The following MGST1 variants were observed in gnomAD, a reference collection of about 807,000 sequenced individuals.
MGST1 encodes microsomal glutathione S-transferase 1, also known as glutathione S-transferase 12.
In MGST1, 5 loss-of-function variants were observed where a neutral mutation model predicts 8.9. That is an observed-to-expected ratio of 0.56 (90% CI 0.29 to 1.19). The LOEUF (loss-of-function observed/expected upper bound fraction) is 1.19. Among genes scored for constraint, MGST1 ranks in the 50% most tolerant of loss-of-function variants. MGST1 has a pLI of 0.08. For synonymous variants in MGST1, 54 were observed against 67.8 expected (o/e 0.80, Z 1.00); for missense variants, 182 against 187.4 (o/e 0.97, Z 0.17).
rs1442320409 is a variant in MGST1, at chr12:16,503,072, T to C, written n.483-86456T>C. ...AAATACAATCTCTGAGGGTGGAAGA[T>C]GCAGGGTGAGGTTTCAGCGGATGGT... On this transcript the variant is annotated intron_variant and non_coding_transcript_variant, in intron 4 of 4. Coordinates refer to the MGST1 transcript ENST00000538857. This position sits in a 1 kb window ranked among gnomAD's most constrained non-coding sequence, Gnocchi z 4.8. 1.3e-5 allele frequency among the ~76,000 whole-genome samples: 2 copies of C among 152,130 alleles called. No homozygotes were observed. The highest frequency in any genetic ancestry group is 2.9e-5 in the Non-Finnish European group (2 of 68,016).
chr12:16,551,386 T>G, intron 4 of MGST1: 3 of 1,035,140 alleles, frequency 2.9e-6, no homozygotes, highest in Admixed American at 3.6e-5. Flanking sequence ...ATCTAGAAAT[T>G]TGAAGATTTA....
Position 16,537,024 on chromosome 12 carries a change from CAA to C in MGST1, n.483-52502_483-52501del, listed in dbSNP as rs1344429868. Among the ~76,000 whole-genome samples the C allele has an allele frequency of 6.6e-6, 1 of 152,142 alleles. No individual in the cohort carries two copies. The highest frequency in any genetic ancestry group is 2.4e-5 in the African/African-American group (1 of 41,426). ...GGCATTAACCCAAAAGTCCACAGTC[CAA>C]AGTCTCATCTGAGACAAGGCAAGTC... On this transcript the variant is annotated intron_variant and non_coding_transcript_variant, in intron 4 of 4. Coordinates refer to the MGST1 transcript ENST00000538857. This position sits in a 1 kb window ranked among gnomAD's most constrained non-coding sequence, Gnocchi z 4.6.
intron 1 of MGST1, among the ~76,000 whole-genome samples, chr12:16,430,523 C>T (rs1940928787): frequency 1.3e-5 from 2 of 152,130 alleles, no homozygotes; most frequent in African/African-American, 4.8e-5. Context: ...ATTGTGTTAG[C>T]AGGCATGAAA....
exon 4 of MGST1, chr12:16,376,814 TATA>T (rs907244176): frequency 6.6e-6 from 1 of 152,098 alleles, no homozygotes; most frequent in Non-Finnish European, 1.5e-5. Flanking sequence ...ATACAGATGA[TATA>T]ATATCATCTG....
At chr12:16,439,278 T>A (rs962388403), downstream of MGST1, among the ~76,000 whole-genome samples, 4 of 151,898 alleles carry the variant, frequency 2.6e-5, no homozygotes, top group Admixed American at 2.6e-4. Context: ...ATTGCACTTA[T>A]AATTAATGTA....
chr12:16,579,685 C>G (rs1591805018), intron 4 of MGST1, among the ~76,000 whole-genome samples: 1 of 152,264 alleles, frequency 6.6e-6, no homozygotes, highest in East Asian at 1.9e-4. Context: ...CCCCACCTAG[C>G]CTACTAGGCA....
At chr12:16,422,464 C>T (rs1031932513) in intron 1 of MGST1, among the ~76,000 whole-genome samples, 4 of 152,030 alleles carry the variant, frequency 2.6e-5, no homozygotes, top group Non-Finnish European at 4.4e-5. Flanking sequence ...CAAGACTGTC[C>T]TTTTCTGTCT....
chr12:16,387,641 C>G (rs1383910835), intron 1 of MGST1, among the ~76,000 whole-genome samples: 2 of 152,012 alleles, frequency 1.3e-5, no homozygotes, highest in Admixed American at 6.5e-5. Context: ...ATTCTCCTGC[C>G]TCAGCCTCCC....
rs373145076 is a variant in MGST1, at chr12:16,499,884, G to A, written n.483-89644G>A. Among the ~76,000 whole-genome samples, 7 of 152,024 alleles carry A rather than the reference G, an allele frequency of 4.6e-5. No homozygotes were observed. The South Asian group carries it at 6.3e-4, about 14-fold the overall frequency. ...CTACCAGAGAAATGCCTTCCACTCCGGCCCTTAGTTTAGTAGTGCATGTTT... is the reference window on the plus strand; with the variant it reads ...CTACCAGAGAAATGCCTTCCACTCCAGCCCTTAGTTTAGTAGTGCATGTTT... On this transcript the variant is annotated intron_variant and non_coding_transcript_variant, in intron 4 of 4. Transcript: ENST00000538857.
At chr12:16,372,565 T>C (rs1487209609) in intron 3 of MGST1, among the ~76,000 whole-genome samples, 1 of 152,104 alleles carries the variant, frequency 6.6e-6, no homozygotes, top group Non-Finnish European at 1.5e-5. Context: ...GGAGCCCTCT[T>C]ACACTGTTGG....
chr12:16,417,314 A>G (rs1302204208), intron 1 of MGST1, among the ~76,000 whole-genome samples: 1 of 152,114 alleles, frequency 6.6e-6, no homozygotes, highest in Non-Finnish European at 1.5e-5. Context: ...GTGAGAACTC[A>G]CTCATTATCA....
chr12:16,366,502 G>C (rs949001684), downstream of MGST1, among the ~76,000 whole-genome samples: 1 of 152,110 alleles, frequency 6.6e-6, no homozygotes, highest in African/African-American at 2.4e-5. This position sits in a 1 kb window ranked among gnomAD's most constrained non-coding sequence, Gnocchi z 4.0. Flanking sequence ...GACTCAGGTG[G>C]AATGGTACAG....
At position 16,515,634 on chromosome 12, in the gene MGST1, A is replaced by G. The variant is rs1319213687; in HGVS notation, n.483-73894A>G. The stretch of plus-strand genomic sequence containing the variant: ...AACAAGAGCGAAACTCTATCTCAGA[A>G]AAAAAAAAAAAAGAAAAAAAAAAGA... On this transcript the variant is annotated intron_variant and non_coding_transcript_variant, in intron 4 of 4. Transcript: ENST00000538857. Among the ~76,000 whole-genome samples, 8 of 832 alleles carry G rather than the reference A, an allele frequency of 9.6e-3. No individual in the cohort carries two copies. In the South Asian group the frequency reaches 0.4, roughly 42 times the overall value. The allele number at this position is 832 out of a possible 152,430, so 0.5% of individuals were successfully genotyped here. A position where few individuals can be genotyped will look rare whatever the true frequency, so the allele number is the denominator to read the frequency against.
chr12:16,560,043 C>T lies in MGST1; in HGVS notation n.483-29485C>T, dbSNP rs547449621. 6.6e-6 allele frequency among the ~76,000 whole-genome samples: 1 copy of T among 151,986 alleles called. No homozygotes were observed. The highest frequency in any genetic ancestry group is 1.9e-4 in the East Asian group (1 of 5,174). ...GAATATAAAATACCTGCAACAAATT[C>T]CTGTATATTTGCTTCATTGCCAATT... On this transcript the variant is annotated intron_variant and non_coding_transcript_variant, in intron 4 of 4. Transcript: ENST00000538857. This position sits in a 1 kb window ranked among gnomAD's most constrained non-coding sequence, Gnocchi z 5.0.
chr12:16,469,224 C>G (rs963672171), intron 4 of MGST1, among the ~76,000 whole-genome samples: 27 of 139,310 alleles, frequency 1.9e-4, no homozygotes, highest in Non-Finnish European at 3.4e-4. Flanking sequence ...CACTCTGTTG[C>G]CCAGGCTGGA....
chr12:16,354,897 G>C (rs1939640749), intron 2 of MGST1, among the ~76,000 whole-genome samples: 1 of 151,874 alleles, frequency 6.6e-6, no homozygotes, highest in South Asian at 2.1e-4. Context: ...TTTTTAAGTG[G>C]ATACTATTTC....
intron 4 of MGST1, among the ~76,000 whole-genome samples, chr12:16,466,258 C>G (rs1044790959): frequency 3.3e-5 from 5 of 152,038 alleles, no homozygotes; most frequent in African/African-American, 1.2e-4. Flanking sequence ...ACTTTGTGCC[C>G]CAGAAAGAGA....
At position 16,448,400 on chromosome 12, in the gene MGST1, A is replaced by G. The variant is rs185102747; in HGVS notation, n.482+64796A>G. On this transcript the variant is annotated intron_variant and non_coding_transcript_variant, in intron 4 of 4. Transcript: ENST00000538857. ...ATAAAGCAGTATAGATCTGGAGGAT[A>G]GGGTTAATTCAGTCATCAGCTAAGC... Among the ~76,000 whole-genome samples the G allele has an allele frequency of 2.0e-5, 3 of 151,942 alleles. No homozygotes were observed. The East Asian group carries it at 5.8e-4, about 30-fold the overall frequency.
In MGST1 at chr12:16,484,892, C is replaced by T. The variant is rs541774193; in HGVS notation, n.482+101288C>T. On this transcript the variant is annotated intron_variant and non_coding_transcript_variant, in intron 4 of 4. Transcript: ENST00000538857. Reference sequence around the variant, plus strand: ...TCTTATAAATTTTTTAATTCTCTTGCGCTTAGATGAGTAAAAGCAGATTGC... The same window carrying T: ...TCTTATAAATTTTTTAATTCTCTTGTGCTTAGATGAGTAAAAGCAGATTGC... 5.9e-4 allele frequency among the ~76,000 whole-genome samples: 90 copies of T among 152,252 alleles called. No individual in the cohort carries two copies. In the Middle Eastern group the frequency reaches 0.01, roughly 17 times the overall value.
Sources: gnomAD v4.1 joint callset for allele counts (sites outside exome capture counted in the v4.1 genomes callset) on GRCh38, gnomAD v4.1.1 for gene constraint, Gnocchi (gnomAD v3.1) non-coding constraint, MANE v1.5 for transcripts, NCBI Gene and HGNC (gene_info 2026-07-23, HGNC 2026-07-21) for gene names.